PM20D2: variants seen among roughly 807,000 people sequenced by gnomAD.
The protein encoded by PM20D2 is peptidase M20 domain containing 2, also known as xaa-Arg dipeptidase.
Under a neutral mutation model 42.9 loss-of-function variants are expected in PM20D2, and 33 were observed. The observed-to-expected ratio is 0.77, with a 90% confidence interval of 0.58 to 1.03. The LOEUF is 1.03. Ranked by LOEUF, PM20D2 falls within the 50% of genes least tolerant of loss-of-function variation. The pLI, the probability that PM20D2 is intolerant of heterozygous loss-of-function variation, is 0.00. For synonymous variants in PM20D2, 250 were observed against 228.2 expected (o/e 1.10, Z -0.86); for missense variants, 548 against 557.0 (o/e 0.98, Z 0.16).
chr6:89,161,650 C>A, intron 5 of PM20D2, 133 bp from the exon 6 acceptor site: 1 of 678,954 alleles, frequency 1.5e-6, no homozygotes, highest in Non-Finnish European at 2.6e-6. Flanking sequence ...CCCATGAAAG[C>A]ATGAGCATAC....
At chr6:89,140,131 G>A in the PM20D2 span, among the ~76,000 whole-genome samples, 12 of 133,124 alleles carry the variant, frequency 9.0e-5, no homozygotes, top group South Asian at 1.6e-3. Flanking sequence ...TTGTAGAGAT[G>A]GGGGGGTGGT....
the PM20D2 span, among the ~76,000 whole-genome samples, chr6:89,094,927 G>A: frequency 0.4 from 60,752 of 151,768 alleles, 12,770 homozygotes; most frequent in East Asian, 0.68. Flanking sequence ...ACTGAATTCT[G>A]ACTTCAAAAT....
At chr6:89,129,274 A>G in the PM20D2 span, among the ~76,000 whole-genome samples, 1 of 152,172 alleles carries the variant, frequency 6.6e-6, no homozygotes, top group Admixed American at 6.5e-5. Context: ...TATTTGTACA[A>G]TAGCATTCTA....
chr6:89,122,876 T>C, the PM20D2 span, among the ~76,000 whole-genome samples: 1 of 152,218 alleles, frequency 6.6e-6, no homozygotes. Context: ...GGGATTTGTA[T>C]AGAACACATT....
chr6:89,114,763 C>T, the PM20D2 span, among the ~76,000 whole-genome samples: 9,588 of 152,154 alleles, frequency 0.063, 875 homozygotes, highest in African/African-American at 0.2. Flanking sequence ...TTTTAAAATG[C>T]GTATAAATAT....
the PM20D2 span, among the ~76,000 whole-genome samples, chr6:89,094,810 A>C: frequency 4.0e-5 from 6 of 149,950 alleles, no homozygotes; most frequent in East Asian, 2.0e-4. Context: ...TAACCCTAAC[A>C]ACCCAATGGG....
chr6:89,094,652 G>A, the PM20D2 span, among the ~76,000 whole-genome samples: 1 of 152,104 alleles, frequency 6.6e-6, no homozygotes, highest in African/African-American at 2.4e-5. Flanking sequence ...TCCAGGGAGT[G>A]ATTTAAATGC....
chr6:89,124,736 G>GTTTTTTTTT, the PM20D2 span, among the ~76,000 whole-genome samples: 402 of 108,348 alleles, frequency 3.7e-3, 12 homozygotes, highest in South Asian at 4.9e-3. Context: ...TGCTGTTGTT[G>GTTTTTTTTT]TTTTTTTTTT....
the PM20D2 span, among the ~76,000 whole-genome samples, chr6:89,115,993 C>G: frequency 6.6e-5 from 10 of 152,184 alleles, no homozygotes; most frequent in African/African-American, 2.4e-4. Flanking sequence ...ATTACACATA[C>G]AAAATCCAGA....
chr6:89,103,871 A>C, the PM20D2 span, among the ~76,000 whole-genome samples: 1 of 152,234 alleles, frequency 6.6e-6, no homozygotes, highest in Non-Finnish European at 1.5e-5. Context: ...ATTACTATTT[A>C]ATATGTCTTC....
the PM20D2 span, among the ~76,000 whole-genome samples, chr6:89,120,417 G>A: frequency 6.6e-6 from 1 of 152,028 alleles, no homozygotes; most frequent in East Asian, 1.9e-4. Flanking sequence ...TTTGGGGGCC[G>A]CCATTCAAAC....
the PM20D2 span, among the ~76,000 whole-genome samples, chr6:89,112,405 C>G: frequency 6.6e-6 from 1 of 150,724 alleles, no homozygotes; most frequent in African/African-American, 2.4e-5. Context: ...GTAAGTCCTA[C>G]TGTCCAAATT....
At chr6:89,151,488 A>G (rs1182843187) in intron 2 of PM20D2, among the ~76,000 whole-genome samples, 3 of 152,166 alleles carry the variant, frequency 2.0e-5, no homozygotes, top group Non-Finnish European at 2.9e-5. Context: ...TTGGCCTCCC[A>G]AAGGGCTGGA....
At chr6:89,121,448 G>A in the PM20D2 span, among the ~76,000 whole-genome samples, 1 of 152,116 alleles carries the variant, frequency 6.6e-6, no homozygotes. Flanking sequence ...AACTGATGAA[G>A]CTGTATTTTG....
At chr6:89,136,370 T>C in the PM20D2 span, among the ~76,000 whole-genome samples, 42 of 151,270 alleles carry the variant, frequency 2.8e-4, no homozygotes, top group Admixed American at 6.6e-5. Flanking sequence ...TCATGATACT[T>C]AAATCTTTTA....
At chr6:89,123,048 G>A in the PM20D2 span, among the ~76,000 whole-genome samples, 3 of 152,298 alleles carry the variant, frequency 2.0e-5, no homozygotes, top group East Asian at 1.9e-4. Context: ...TGATAATAAT[G>A]TAACTAGGAG....
At chr6:89,137,708 A>G in the PM20D2 span, among the ~76,000 whole-genome samples, 1 of 152,238 alleles carries the variant, frequency 6.6e-6, no homozygotes, top group African/African-American at 2.4e-5. Flanking sequence ...AGACAGTTTT[A>G]AAAATAGAAA....
At chr6:89,120,243 A>G in the PM20D2 span, among the ~76,000 whole-genome samples, 780 of 152,274 alleles carry the variant, frequency 5.1e-3, 2 homozygotes, top group African/African-American at 0.018. Flanking sequence ...GATATCAGCC[A>G]TCTATCCTAT....
At chr6:89,113,728 C>T in the PM20D2 span, among the ~76,000 whole-genome samples, 271 of 152,264 alleles carry the variant, frequency 1.8e-3, 1 homozygote, top group African/African-American at 6.2e-3. Flanking sequence ...ACTGCAGCCT[C>T]GACCACCTGG....
Sources: allele counts gnomAD v4.1 joint callset (sites outside exome capture counted in the v4.1 genomes callset), GRCh38; gene constraint gnomAD v4.1.1; transcripts MANE v1.5; gene names NCBI Gene and HGNC (gene_info 2026-07-23, HGNC 2026-07-21).